The following OXR1 variants were observed in gnomAD, a reference collection of about 807,000 sequenced individuals.
The protein encoded by OXR1 is oxidation resistance 1.
OXR1 carries 41 observed loss-of-function variants against 104.6 expected under a neutral mutation model. That is an observed-to-expected ratio of 0.39 (90% CI 0.31 to 0.51). OXR1 has a LOEUF of 0.51. OXR1 is among the 20% of genes least tolerant of loss of function. The pLI is 0.77. For missense variants in OXR1, 955 were observed against 1,031.9 expected (o/e 0.93, Z 1.02); for synonymous variants, 348 against 348.4 (o/e 1.00, Z 0.01).
chr8:106,307,834 G>A (rs1175090313), intron 1 of OXR1, among the ~76,000 whole-genome samples: 3 of 152,238 alleles, frequency 2.0e-5, no homozygotes, highest in East Asian at 3.9e-4. Flanking sequence ...TTAGGTCAAT[G>A]GCTACAAAAT....
intron 3 of OXR1, among the ~76,000 whole-genome samples, chr8:106,626,858 T>C (rs567323946): frequency 6.6e-6 from 1 of 151,502 alleles, no homozygotes; most frequent in East Asian, 1.9e-4. Flanking sequence ...ATATTTTAAA[T>C]GCATCATGAT....
At chr8:106,708,809 T>A (rs1006120319) in intron 9 of OXR1, among the ~76,000 whole-genome samples, 1 of 152,148 alleles carries the variant, frequency 6.6e-6, no homozygotes, top group Non-Finnish European at 1.5e-5. Context: ...TTCTGGATCA[T>A]GTGGTAACTC....
chr8:106,726,250 C>T (rs779903097), intron 11 of OXR1: 105 of 1,526,708 alleles, frequency 6.9e-5, no homozygotes, highest in Non-Finnish European at 8.7e-5. Context: ...GGAAATGTCT[C>T]GTCTCTGGTA....
At chr8:106,737,034 T>A (rs1484944153) in intron 11 of OXR1, among the ~76,000 whole-genome samples, 3 of 152,280 alleles carry the variant, frequency 2.0e-5, no homozygotes, top group Non-Finnish European at 4.4e-5. Flanking sequence ...TCCTCTGTTG[T>A]TTCTGTTATA....
chr8:106,462,664 T>C (rs1018398696), intron 2 of OXR1, among the ~76,000 whole-genome samples: 1 of 152,164 alleles, frequency 6.6e-6, no homozygotes, highest in African/African-American at 2.4e-5. Context: ...ATTTTACTTA[T>C]TAATAATGTG....
At chr8:106,364,854 C>T (rs976082396) in intron 2 of OXR1, among the ~76,000 whole-genome samples, 4 of 152,176 alleles carry the variant, frequency 2.6e-5, no homozygotes, top group Admixed American at 2.6e-4. Context: ...GGAAATCAAA[C>T]TCTTATCTCA....
chr8:106,652,452 A>G (rs892581056), intron 3 of OXR1, among the ~76,000 whole-genome samples: 2 of 152,152 alleles, frequency 1.3e-5, no homozygotes, highest in Non-Finnish European at 2.9e-5. Context: ...ATTAAGTTAG[A>G]AGTCAAAAAC....
At chr8:106,282,980 G>C (rs1173400906) in intron 1 of OXR1, among the ~76,000 whole-genome samples, 1 of 152,136 alleles carries the variant, frequency 6.6e-6, no homozygotes, top group Non-Finnish European at 1.5e-5. Flanking sequence ...GACTCCCAGA[G>C]GGATTCGTAG....
chr8:106,730,313 A>G (rs1287802671), intron 11 of OXR1, among the ~76,000 whole-genome samples: 1 of 152,110 alleles, frequency 6.6e-6, no homozygotes, highest in Admixed American at 6.6e-5. Flanking sequence ...TGACAAGTGT[A>G]TAATGACATG....
At chr8:106,664,962 A>G (rs192091910) in intron 3 of OXR1, among the ~76,000 whole-genome samples, 1 of 152,366 alleles carries the variant, frequency 6.6e-6, no homozygotes, top group East Asian at 1.9e-4. Context: ...GGTTCCTACC[A>G]TATATTTCTG....
chr8:106,687,860 A>G (rs1019305026), intron 6 of OXR1, among the ~76,000 whole-genome samples: 1 of 152,216 alleles, frequency 6.6e-6, no homozygotes, highest in Non-Finnish European at 1.5e-5. Context: ...TAGCTAAGCT[A>G]AGATTCTAAC....
chr8:106,287,126 C>T (rs552469150), intron 1 of OXR1, among the ~76,000 whole-genome samples: 13 of 151,844 alleles, frequency 8.6e-5, no homozygotes, highest in Non-Finnish European at 8.8e-5. Context: ...GTCCTGTAGA[C>T]CTAAAGTAGA....
At chr8:106,746,947 C>G (rs1270974612) in intron 16 of OXR1, among the ~76,000 whole-genome samples, 1 of 152,132 alleles carries the variant, frequency 6.6e-6, no homozygotes, top group Non-Finnish European at 1.5e-5. Context: ...CATTAGATGT[C>G]TGCTGGAACT....
At chr8:106,705,398 T>C (rs1490266745) in intron 8 of OXR1, among the ~76,000 whole-genome samples, 3 of 152,194 alleles carry the variant, frequency 2.0e-5, no homozygotes, top group Admixed American at 6.5e-5. Flanking sequence ...TGCATACTTG[T>C]TGCAGAAAAA....
At position 106,271,340 on chromosome 8, in the gene OXR1, C is replaced by CG. The variant is rs772898691; in HGVS notation, c.-139+979dup. ...AGGCAGTGGGGAAGGTAGTCGTTTA[C>CG]GGGGGGAGCTGCTCGGGCTTCCGTT... On this transcript the variant is annotated intron_variant, in intron 1 of 16. Coordinates refer to ENST00000517566, the MANE Select transcript of OXR1 (RefSeq NM_001198533.2). Among the ~76,000 whole-genome samples, 32 of 152,094 alleles carry CG rather than the reference C, an allele frequency of 2.1e-4. 1 individual carries two copies. Among genetic ancestry groups the CG allele is most frequent in the African/African-American group, 6.5e-4 (27 of 41,494 alleles).
chr8:106,340,882 A>G (rs1394424421), intron 1 of OXR1, among the ~76,000 whole-genome samples: 4 of 152,192 alleles, frequency 2.6e-5, no homozygotes, highest in African/African-American at 9.6e-5. Flanking sequence ...GTATTATTCA[A>G]CATTTACTGA....
intron 2 of OXR1, among the ~76,000 whole-genome samples, chr8:106,387,467 AAGG>A (rs1480870964): frequency 6.6e-6 from 1 of 152,186 alleles, no homozygotes; most frequent in Non-Finnish European, 1.5e-5. Flanking sequence ...GGTCTGAAAA[AAGG>A]AGGTCATTCT....
chr8:106,657,918 A>C, intron 3 of OXR1: 2 of 1,246,322 alleles, frequency 1.6e-6, no homozygotes, highest in Non-Finnish European at 2.0e-6. Flanking sequence ...TGGGCGCGCT[A>C]GTGGTGGCCG....
At chr8:106,367,537 TATTC>T (rs1407481012) in intron 2 of OXR1, among the ~76,000 whole-genome samples, 4 of 152,202 alleles carry the variant, frequency 2.6e-5, no homozygotes, top group Non-Finnish European at 5.9e-5. Flanking sequence ...AAAATATTTA[TATTC>T]ATTCATTTCT....
Sources: gnomAD v4.1 joint callset for allele counts (sites outside exome capture counted in the v4.1 genomes callset) on GRCh38, gnomAD v4.1.1 for gene constraint, MANE v1.5 for transcripts, NCBI Gene and HGNC (gene_info 2026-07-23, HGNC 2026-07-21) for gene names.